The following DCC variants were observed in gnomAD, a reference collection of about 807,000 sequenced individuals.
DCC encodes the protein netrin receptor DCC.
DCC carries 58 observed loss-of-function variants against 172.5 expected under a neutral mutation model. That is an observed-to-expected ratio of 0.34 (90% CI 0.27 to 0.42). The LOEUF (loss-of-function observed/expected upper bound fraction) is 0.42. Ranked by LOEUF, DCC falls within the 10% of genes least tolerant of loss-of-function variation. The probability of loss-of-function intolerance (pLI) is 1.00; values close to 1 mark genes in which losing one functional copy is unlikely to be tolerated. For synonymous variants in DCC, 709 were observed against 644.5 expected (o/e 1.10, Z -1.52); for missense variants, 1,740 against 1,791.0 (o/e 0.97, Z 0.51).
intron 12 of DCC, among the ~76,000 whole-genome samples, chr18:53,264,355 C>T (rs1300113265): frequency 3.3e-5 from 5 of 151,596 alleles, no homozygotes; most frequent in Non-Finnish European, 4.4e-5. Context: ...GACGTGGTGG[C>T]GGCTGCGTGT....
chr18:52,626,656 C>T (rs910186341), intron 1 of DCC, among the ~76,000 whole-genome samples: 1 of 152,128 alleles, frequency 6.6e-6, no homozygotes, highest in Non-Finnish European at 1.5e-5. Flanking sequence ...AGTTAGCCCT[C>T]CGTATCATGG....
chr18:52,913,339 A>G (rs551076767), intron 3 of DCC, among the ~76,000 whole-genome samples: 62 of 152,220 alleles, frequency 4.1e-4, no homozygotes, highest in Admixed American at 1.8e-3. Context: ...TTGATTCTGA[A>G]TTAAAACGTA....
At chr18:52,873,369 A>C (rs1013944759) in intron 2 of DCC, among the ~76,000 whole-genome samples, 4 of 152,238 alleles carry the variant, frequency 2.6e-5, no homozygotes, top group Admixed American at 2.6e-4. Flanking sequence ...AAATAGAGCC[A>C]ATATGTAGGA....
At chr18:52,580,026 G>C (rs1188650131) in intron 1 of DCC, among the ~76,000 whole-genome samples, 1 of 152,178 alleles carries the variant, frequency 6.6e-6, no homozygotes, top group Non-Finnish European at 1.5e-5. Flanking sequence ...GCAACTAAAA[G>C]TTGCTATTCA....
intron 1 of DCC, among the ~76,000 whole-genome samples, chr18:52,442,599 C>G (rs1988002894): frequency 6.6e-6 from 1 of 152,168 alleles, no homozygotes. Flanking sequence ...CTCACTCTTT[C>G]TTAGCTTTCC....
chr18:52,732,560 T>C (rs1838672954), intron 1 of DCC, among the ~76,000 whole-genome samples: 1 of 152,218 alleles, frequency 6.6e-6, no homozygotes, highest in Non-Finnish European at 1.5e-5. Context: ...ATGGCTGCTT[T>C]TCTGCTGCAA....
At chr18:53,118,502 A>G (rs1341238165) in intron 7 of DCC, among the ~76,000 whole-genome samples, 2 of 151,740 alleles carry the variant, frequency 1.3e-5, no homozygotes, top group African/African-American at 4.8e-5. Flanking sequence ...GCCCTTGTGC[A>G]TATTGTTAAA....
intron 28 of DCC, among the ~76,000 whole-genome samples, chr18:53,527,182 A>AAGACT (rs10526877): frequency 0.32 from 47,718 of 147,280 alleles, 8,347 homozygotes; most frequent in East Asian, 0.54. Flanking sequence ...GGAAATAAAT[A>AAGACT]AGACTATATA....
intron 8 of DCC, among the ~76,000 whole-genome samples, chr18:53,159,941 G>A (rs1170955607): frequency 2.0e-5 from 3 of 152,138 alleles, no homozygotes; most frequent in Admixed American, 6.5e-5. Context: ...GAATGGAAGG[G>A]CTCAGAATAG....
At chr18:53,343,463 T>G (rs2057685839) in intron 15 of DCC, among the ~76,000 whole-genome samples, 1 of 151,894 alleles carries the variant, frequency 6.6e-6, no homozygotes. Context: ...ATTGATTGAT[T>G]TTTGAAGGGT....
At chr18:52,370,027 G>A (rs927683508) in intron 1 of DCC, among the ~76,000 whole-genome samples, 7 of 152,226 alleles carry the variant, frequency 4.6e-5, no homozygotes, top group Non-Finnish European at 7.3e-5. Flanking sequence ...ATTAAAAACA[G>A]TAATTAATTT....
chr18:52,619,777 G>C (rs144619687), intron 1 of DCC, among the ~76,000 whole-genome samples: 1 of 152,034 alleles, frequency 6.6e-6, no homozygotes, highest in Non-Finnish European at 1.5e-5. Context: ...AAGAATCCAC[G>C]TCAAGAAAGC....
intron 21 of DCC, among the ~76,000 whole-genome samples, chr18:53,425,415 A>G (rs1006862207): frequency 7.5e-6 from 1 of 132,876 alleles, no homozygotes; most frequent in East Asian, 2.2e-4. Flanking sequence ...GCTGGAGTGC[A>G]GTGGCATGAT....
At chr18:53,223,111 G>A (rs931188783) in intron 12 of DCC, among the ~76,000 whole-genome samples, 1 of 152,076 alleles carries the variant, frequency 6.6e-6, no homozygotes, top group African/African-American at 2.4e-5. Flanking sequence ...GAATAAGTTA[G>A]AGACATGATT....
intron 1 of DCC, among the ~76,000 whole-genome samples, chr18:52,739,898 A>G (rs1019450420): frequency 6.6e-6 from 1 of 152,200 alleles, no homozygotes; most frequent in Non-Finnish European, 1.5e-5. Context: ...AACAACCCAC[A>G]TAGAGTCCCT....
chr18:53,038,648 C>T (rs1334646322), intron 5 of DCC, among the ~76,000 whole-genome samples: 2 of 148,666 alleles, frequency 1.3e-5, no homozygotes, highest in African/African-American at 4.9e-5. Flanking sequence ...GAATTCATTG[C>T]CCCCAAATTC....
chr18:52,974,350 T>C (rs1471255110), intron 5 of DCC, among the ~76,000 whole-genome samples: 1 of 152,152 alleles, frequency 6.6e-6, no homozygotes, highest in Non-Finnish European at 1.5e-5. Context: ...TAGGTTGTCA[T>C]TAAGGTCCAT....
At chr18:52,448,354 C>T (rs556926028) in intron 1 of DCC, among the ~76,000 whole-genome samples, 6 of 152,312 alleles carry the variant, frequency 3.9e-5, no homozygotes, top group African/African-American at 1.4e-4. Flanking sequence ...GAGACTGCTG[C>T]TCTAGTCCAA....
chr18:53,477,138 A>G (rs2045774110), intron 25 of DCC, among the ~76,000 whole-genome samples: 1 of 152,084 alleles, frequency 6.6e-6, no homozygotes, highest in South Asian at 2.1e-4. Flanking sequence ...CCCCCTGAGT[A>G]TATGGAACTA....
Sources: gnomAD v4.1 joint callset for allele counts (sites outside exome capture counted in the v4.1 genomes callset) on GRCh38, gnomAD v4.1.1 for gene constraint, MANE v1.5 for transcripts, NCBI Gene and HGNC (gene_info 2026-07-23, HGNC 2026-07-21) for gene names.